PATJ: variants seen among roughly 807,000 people sequenced by gnomAD.
The protein encoded by PATJ is PATJ crumbs cell polarity complex component.
Under a neutral mutation model 224.9 loss-of-function variants are expected in PATJ, and 190 were observed. The ratio of observed to expected loss-of-function variants is 0.84; its 90% CI spans 0.75 to 0.95. PATJ has a LOEUF of 0.95. Among genes scored for constraint, PATJ ranks in the 40% least tolerant of loss-of-function variants. The pLI, the probability that PATJ is intolerant of heterozygous loss-of-function variation, is 0.00. For synonymous variants in PATJ, 769 were observed against 820.3 expected (o/e 0.94, Z 1.07); for missense variants, 2,121 against 2,270.3 (o/e 0.93, Z 1.34).
intron 30 of PATJ, among the ~76,000 whole-genome samples, chr1:62,043,894 C>G (rs371232603): frequency 5.7e-4 from 87 of 152,156 alleles, no homozygotes; most frequent in African/African-American, 2.0e-3. Context: ...TACCTGGCTA[C>G]TATAAGATTT....
chr1:62,073,266 T>C, intron 31 of PATJ: 1 of 985,354 alleles, frequency 1.0e-6, no homozygotes, highest in African/African-American at 1.7e-5. Flanking sequence ...ATTGATTCTG[T>C]GCAAGTTGAT....
At chr1:62,069,335 C>T (rs1209214334) in intron 31 of PATJ, among the ~76,000 whole-genome samples, 1 of 152,142 alleles carries the variant, frequency 6.6e-6, no homozygotes, top group Non-Finnish European at 1.5e-5. Context: ...CTCAGCTCTG[C>T]TGAGGTATAT....
At chr1:62,051,364 C>T (rs1167134961) in intron 31 of PATJ, among the ~76,000 whole-genome samples, 1 of 152,104 alleles carries the variant, frequency 6.6e-6, no homozygotes, top group Non-Finnish European at 1.5e-5. Flanking sequence ...GGCTGGAGCG[C>T]AGTGGCTGGA....
intron 28 of PATJ, among the ~76,000 whole-genome samples, chr1:61,992,440 C>T (rs1022197466): frequency 2.0e-5 from 3 of 152,080 alleles, no homozygotes; most frequent in Admixed American, 2.0e-4. Context: ...CTTTAACCAA[C>T]CCAATTTGTT....
intron 25 of PATJ, among the ~76,000 whole-genome samples, chr1:61,911,622 T>C (rs1672650395): frequency 6.6e-6 from 1 of 151,298 alleles, no homozygotes; most frequent in East Asian, 1.9e-4. Context: ...CCATAGAAAG[T>C]TTTTCTGTAA....
chr1:61,755,882 A>G (rs906486783), intron 1 of PATJ, among the ~76,000 whole-genome samples: 22 of 152,140 alleles, frequency 1.4e-4, no homozygotes, highest in African/African-American at 4.8e-4. Context: ...GCTCACCGCA[A>G]TCTCTGCCTC....
chr1:61,790,341 C>A (rs549744103), intron 8 of PATJ, among the ~76,000 whole-genome samples: 6 of 151,980 alleles, frequency 3.9e-5, no homozygotes, highest in Non-Finnish European at 7.4e-5. Flanking sequence ...ACAAATACAG[C>A]CTTTTTTCTA....
intron 22 of PATJ, among the ~76,000 whole-genome samples, chr1:61,897,279 A>C (rs1383041900): frequency 6.6e-6 from 1 of 152,234 alleles, no homozygotes; most frequent in Non-Finnish European, 1.5e-5. Flanking sequence ...TGATAGGTTA[A>C]AGTGAAAACA....
intron 12 of PATJ, 120 bp downstream of exon 12, chr1:61,801,889 A>G (rs992968641): frequency 2.4e-5 from 15 of 629,030 alleles, no homozygotes; most frequent in African/African-American, 2.3e-4. Context: ...AAAATAGGAT[A>G]TTCTTAATAT....
At chr1:62,126,459 G>A (rs1267612790) in intron 39 of PATJ, among the ~76,000 whole-genome samples, 1 of 152,184 alleles carries the variant, frequency 6.6e-6, no homozygotes, top group African/African-American at 2.4e-5. Context: ...GTAACCAGCA[G>A]GAGAGATACG....
intron 29 of PATJ, among the ~76,000 whole-genome samples, chr1:62,019,824 A>G (rs758419152): frequency 6.6e-6 from 1 of 152,148 alleles, no homozygotes; most frequent in Non-Finnish European, 1.5e-5. Context: ...GATGTTGTTC[A>G]TTAAGAGAAG....
intron 34 of PATJ, among the ~76,000 whole-genome samples, chr1:62,111,816 A>G (rs1663854764): frequency 6.6e-6 from 1 of 152,010 alleles, no homozygotes; most frequent in South Asian, 2.1e-4. Flanking sequence ...GCCTGCCACC[A>G]GGCTTGGCTA....
At chr1:61,831,031 C>T (rs576293269) in intron 16 of PATJ, among the ~76,000 whole-genome samples, 30 of 151,462 alleles carry the variant, frequency 2.0e-4, no homozygotes, top group Non-Finnish European at 3.7e-4. Context: ...ACTAAAAATA[C>T]AAAAAATTAG....
At chr1:61,864,141 G>T in intron 19 of PATJ, 97 bp from the exon 20 acceptor site, 1 of 971,218 alleles carries the variant, frequency 1.0e-6, no homozygotes, top group Non-Finnish European at 1.5e-6. Context: ...CTTGGCATAT[G>T]CAGTCACGCC....
In PATJ at chr1:62,086,589, G is replaced by A. The variant is rs17313619; in HGVS notation, c.4377+1941G>A. ...ATAAAACTATTTTTTTCCACATTGG[G>A]CAGTAATGTAACATTTTTGTGGTAG... On this transcript the variant is annotated intron_variant, in intron 33 of 43. Transcript: ENST00000642238. The surrounding 1 kb of genome is among the most constrained non-coding windows in gnomAD (Gnocchi z 4.0). Among the ~76,000 whole-genome samples the A allele has an allele frequency of 0.013, 2,003 of 152,230 alleles. 30 individuals carry two copies. Among genetic ancestry groups the A allele is most frequent in the South Asian group, 0.019 (92 of 4,806 alleles).
At chr1:62,132,095 G>A (rs1001073530) in intron 41 of PATJ, among the ~76,000 whole-genome samples, 1 of 152,084 alleles carries the variant, frequency 6.6e-6, no homozygotes, top group African/African-American at 2.4e-5. Context: ...TGATCTGCCC[G>A]CCTTGGCCTC....
At chr1:61,857,875 A>G (rs1663942465) in intron 18 of PATJ, among the ~76,000 whole-genome samples, 1 of 152,210 alleles carries the variant, frequency 6.6e-6, no homozygotes, top group South Asian at 2.1e-4. Context: ...ATCTTTGAAA[A>G]GACTGAATAA....
At chr1:61,868,393 G>A (rs1665742850) in intron 20 of PATJ, among the ~76,000 whole-genome samples, 1 of 152,164 alleles carries the variant, frequency 6.6e-6, no homozygotes, top group Non-Finnish European at 1.5e-5. Context: ...TGAAAAAAGT[G>A]GAATGGTACA....
chr1:61,899,882 A>G (rs1476139209), intron 23 of PATJ, among the ~76,000 whole-genome samples: 2 of 152,272 alleles, frequency 1.3e-5, no homozygotes, highest in African/African-American at 2.4e-5. Context: ...TTTCAGAGAA[A>G]GCAACTTAGA....
Sources: allele counts gnomAD v4.1 joint callset (sites outside exome capture counted in the v4.1 genomes callset), GRCh38; gene constraint gnomAD v4.1.1; non-coding constraint Gnocchi (gnomAD v3.1); transcripts MANE v1.5; gene names NCBI Gene and HGNC (gene_info 2026-07-23, HGNC 2026-07-21).